Variants in GABRA3 observed in about 807,000 individuals in gnomAD.
GABRA3 encodes the protein gamma-aminobutyric acid receptor subunit alpha-3.
GABRA3 carries 10 observed loss-of-function variants against 30.1 expected under a neutral mutation model. The ratio of observed to expected loss-of-function variants is 0.33; its 90% CI spans 0.20 to 0.56. The LOEUF (loss-of-function observed/expected upper bound fraction) is 0.56. Among genes scored for constraint, GABRA3 ranks in the 20% least tolerant of loss-of-function variants. The pLI is 0.89. For missense variants in GABRA3, 233 were observed against 392.0 expected (o/e 0.59, Z 3.42); for synonymous variants, 151 against 146.8 (o/e 1.03, Z -0.21).
chrX:152,316,571 G>A (rs2124463508), intron 3 of GABRA3, among the ~76,000 whole-genome samples: 1 of 111,711 alleles, frequency 9.0e-6, no homozygotes, highest in African/African-American at 3.3e-5. Context: ...GTTATCTAAA[G>A]TGAAGACAAA....
chrX:152,294,114 T>C (rs1939477978), intron 3 of GABRA3, among the ~76,000 whole-genome samples: 1 of 111,214 alleles, frequency 9.0e-6, no homozygotes. Flanking sequence ...TTGGGGTTGC[T>C]CTTCTTGAGG....
At chrX:152,189,575 G>A (rs1022255361) in intron 9 of GABRA3, among the ~76,000 whole-genome samples, 155 bp downstream of exon 9, 5 of 110,555 alleles carry the variant, frequency 4.5e-5, no homozygotes, top group Non-Finnish European at 9.4e-5. Flanking sequence ...AACATGCCAG[G>A]TTGCCAAGAA....
In GABRA3 at chrX:152,394,028, CATT is replaced by C. The variant is rs778385628; in HGVS notation, c.-26-29435_-26-29433del. ...TCAAGGGACACAGTATCATTATCATCATTGTCATGTCATCATCATCATCATCAT... is the reference window on the plus strand; with the variant it reads ...TCAAGGGACACAGTATCATTATCATCGTCATGTCATCATCATCATCATCAT... On this transcript the variant is annotated intron_variant, in intron 1 of 9. Coordinates refer to ENST00000370314, the MANE Select transcript of GABRA3 (RefSeq NM_000808.4). Among the ~76,000 whole-genome samples, 3 of 111,678 alleles carry C rather than the reference CATT, an allele frequency of 2.7e-5. No homozygotes were observed. In the Admixed American group the frequency reaches 2.9e-4, roughly 11 times the overall value.
chrX:152,382,605 G>C (rs1246345258), intron 1 of GABRA3, among the ~76,000 whole-genome samples: 1 of 111,719 alleles, frequency 9.0e-6, no homozygotes, highest in Non-Finnish European at 1.9e-5. Context: ...CACTGTCATA[G>C]AGCTTTTTCT....
In GABRA3 at chrX:152,168,418, A is replaced by G; in HGVS notation, c.1289T>C (p.Ile430Thr). Reference protein sequence around the residue: ...AAPSASSTPTIIASPKATYVQ... With the variant: ...AAPSASSTPTTIASPKATYVQ... ...GTAGGTGGCCTTGGGTGAAGCAATGATTGTTGGGGTTGAGGAGGCACTGGG... is the reference window on the plus strand; with the variant it reads ...GTAGGTGGCCTTGGGTGAAGCAATGGTTGTTGGGGTTGAGGAGGCACTGGG... The change falls in exon 10 of 10, where the codon ATC (isoleucine) becomes ACC (threonine). Residue 430 changes from isoleucine to threonine, a missense_variant. Transcript: ENST00000370314. 5 of 1,211,829 alleles carry G rather than the reference A, an allele frequency of 4.1e-6. No homozygotes were observed. Among genetic ancestry groups the G allele is most frequent in the Non-Finnish European group, 5.6e-6 (5 of 895,552 alleles).
chrX:152,257,815 G>T (rs762616943), intron 4 of GABRA3, among the ~76,000 whole-genome samples: 1 of 112,231 alleles, frequency 8.9e-6, no homozygotes, highest in Non-Finnish European at 1.9e-5. Flanking sequence ...GAGTTGAGGA[G>T]AAAGTGTTTC....
chrX:152,429,546 C>T (rs1181395915), intron 1 of GABRA3, among the ~76,000 whole-genome samples: 1 of 111,839 alleles, frequency 8.9e-6, no homozygotes, highest in Non-Finnish European at 1.9e-5. Context: ...GCCTTCCCAC[C>T]TTAGAGATGA....
chrX:152,221,718 T>C (rs1937842885), intron 6 of GABRA3, among the ~76,000 whole-genome samples: 1 of 112,014 alleles, frequency 8.9e-6, no homozygotes, highest in African/African-American at 3.2e-5. Context: ...CAATTTCTTT[T>C]ATTAACTTTT....
chrX:152,371,258 G>C (rs966272718), intron 1 of GABRA3, among the ~76,000 whole-genome samples: 1 of 111,457 alleles, frequency 9.0e-6, no homozygotes, highest in Non-Finnish European at 1.9e-5. Flanking sequence ...CTCTCTGGGA[G>C]AAGAAATAAC....
At chrX:152,240,889 C>A (rs1306059473) in intron 5 of GABRA3, among the ~76,000 whole-genome samples, 1 of 89,509 alleles carries the variant, frequency 1.1e-5, no homozygotes, top group Non-Finnish European at 2.1e-5. Context: ...TCTAGTTATA[C>A]ATTCTTCTAA....
chrX:152,328,585 C>T (rs754731083), intron 3 of GABRA3, among the ~76,000 whole-genome samples: 1 of 111,850 alleles, frequency 8.9e-6, no homozygotes, highest in Non-Finnish European at 1.9e-5. Context: ...ATAAACAGAA[C>T]CAAAGACAAA....
At chrX:152,223,177 G>T (rs1937875237) in intron 6 of GABRA3, among the ~76,000 whole-genome samples, 2 of 111,196 alleles carry the variant, frequency 1.8e-5, no homozygotes, top group South Asian at 7.5e-4. Context: ...TCATCTATGA[G>T]AGGCTCTCCC....
rs1191655960 is a variant in GABRA3, at chrX:152,176,891, A to T, written c.1144-8328T>A. On this transcript the variant is annotated intron_variant, in intron 9 of 9. Transcript: ENST00000370314. ...ATTCAGAAAATAAAAAAGAGATCAG[A>T]CTGCTGACTGGCCTGCAGATCTGAC... 8.1e-5 allele frequency among the ~76,000 whole-genome samples: 9 copies of T among 111,449 alleles called. No homozygotes were observed. In the Admixed American group the frequency reaches 8.6e-4, roughly 11 times the overall value.
At chrX:152,414,988 A>T (rs978424697) in intron 1 of GABRA3, among the ~76,000 whole-genome samples, 2 of 110,340 alleles carry the variant, frequency 1.8e-5, no homozygotes, top group African/African-American at 6.6e-5. Flanking sequence ...GACTAAAAAG[A>T]TTAGTGGTTG....
intron 4 of GABRA3, among the ~76,000 whole-genome samples, chrX:152,267,241 A>C (rs894479215): frequency 1.8e-5 from 2 of 112,018 alleles, no homozygotes; most frequent in Non-Finnish European, 1.9e-5. Flanking sequence ...ATTTTATCAA[A>C]TTCTTTTTTG....
chrX:152,192,248 G>A (rs1937333846), intron 8 of GABRA3, among the ~76,000 whole-genome samples: 2 of 112,033 alleles, frequency 1.8e-5, no homozygotes, highest in Non-Finnish European at 3.8e-5. Context: ...TGGACAAAGA[G>A]ATTCTTGGCA....
At chrX:152,369,304 T>C (rs1928759212) in intron 1 of GABRA3, among the ~76,000 whole-genome samples, 1 of 111,644 alleles carries the variant, frequency 9.0e-6, no homozygotes, top group Non-Finnish European at 1.9e-5. Context: ...ACAATGTGTA[T>C]ATACCTTGAA....
At chrX:152,386,789 A>G (rs1171560881) in intron 1 of GABRA3, among the ~76,000 whole-genome samples, 2 of 110,907 alleles carry the variant, frequency 1.8e-5, no homozygotes, top group South Asian at 3.9e-4. Flanking sequence ...CAGCCATCCC[A>G]TTACTGGGTA....
At chrX:152,421,379 G>GTA (rs1168168436) in intron 1 of GABRA3, among the ~76,000 whole-genome samples, 2 of 110,810 alleles carry the variant, frequency 1.8e-5, no homozygotes, top group Admixed American at 9.7e-5. Flanking sequence ...AAGACTTACT[G>GTA]TATATATATC....
Sources: gnomAD v4.1 joint callset for allele counts (sites outside exome capture counted in the v4.1 genomes callset) on GRCh38, gnomAD v4.1.1 for gene constraint, MANE v1.5 for transcripts, NCBI Gene and HGNC (gene_info 2026-07-23, HGNC 2026-07-21) for gene names.